Variants in MAST4 observed in about 807,000 individuals in gnomAD.
The protein encoded by MAST4 is microtubule-associated serine/threonine-protein kinase 4.
A neutral mutation model predicts 162.7 loss-of-function variants in MAST4; 89 were observed. That is an observed-to-expected ratio of 0.55 (90% CI 0.46 to 0.65). The LOEUF (loss-of-function observed/expected upper bound fraction) is 0.65. Ranked by LOEUF, MAST4 falls within the 30% of genes least tolerant of loss-of-function variation. The pLI, the probability that MAST4 is intolerant of heterozygous loss-of-function variation, is 0.00. For synonymous variants in MAST4, 1,479 were observed against 1,361.1 expected, an observed-to-expected ratio of 1.09 and a Z score of -1.91; for missense variants, 3,153 against 3,374.0, an observed-to-expected ratio of 0.93 and a Z score of 1.62.
At chr5:66,906,810 T>C (rs1313447802) in intron 4 of MAST4, among the ~76,000 whole-genome samples, 3 of 152,194 alleles carry the variant, frequency 2.0e-5, no homozygotes, top group Admixed American at 2.0e-4. Context: ...ATAATGAACT[T>C]ATTTTACCAC....
chr5:66,965,225 C>CTTTTT (rs1187971815), intron 4 of MAST4, among the ~76,000 whole-genome samples: 14 of 84,872 alleles, frequency 1.6e-4, no homozygotes, highest in African/African-American at 2.3e-4. Flanking sequence ...TTTTTTTTTG[C>CTTTTT]TTTTTTTTTT....
At chr5:67,090,764 A>G (rs1456857590) in intron 6 of MAST4, among the ~76,000 whole-genome samples, 1 of 151,950 alleles carries the variant, frequency 6.6e-6, no homozygotes, top group Non-Finnish European at 1.5e-5. Context: ...TTCAGAGGAT[A>G]GCAGGCACAC....
intron 4 of MAST4, among the ~76,000 whole-genome samples, chr5:66,919,898 C>CTCCT (rs770358340): frequency 1.3e-3 from 141 of 112,202 alleles, no homozygotes; most frequent in Admixed American, 2.8e-3. Flanking sequence ...ATTTTTCTCT[C>CTCCT]TCCTTCCTTC....
At chr5:66,959,385 A>G (rs985771546) in intron 4 of MAST4, 15 of 760,562 alleles carry the variant, frequency 2.0e-5, no homozygotes, top group Middle Eastern at 2.3e-4. Context: ...GTTTGTACTG[A>G]CAGCCTCAGA....
At chr5:67,128,865 T>G (rs1035932465) in intron 14 of MAST4, among the ~76,000 whole-genome samples, 2 of 152,192 alleles carry the variant, frequency 1.3e-5, no homozygotes, top group African/African-American at 4.8e-5. Context: ...GTAAATGATT[T>G]CTTGTTTGAT....
At chr5:66,859,960 A>G (rs1759978045) in intron 3 of MAST4, among the ~76,000 whole-genome samples, 1 of 152,246 alleles carries the variant, frequency 6.6e-6, no homozygotes, top group African/African-American at 2.4e-5. Context: ...TCCCCAAAAC[A>G]TCTCAGCATA....
intron 9 of MAST4, 108 bp downstream of exon 9, chr5:67,102,719 A>G (rs906596032): frequency 3.6e-6 from 3 of 839,414 alleles, no homozygotes; most frequent in African/African-American, 1.7e-5. Flanking sequence ...TCTAGTAATG[A>G]TTTGCATAAA....
chr5:67,127,349 A>C (rs1768371844), intron 14 of MAST4, among the ~76,000 whole-genome samples: 1 of 152,170 alleles, frequency 6.6e-6, no homozygotes, highest in South Asian at 2.1e-4. Context: ...TTGCCCATTC[A>C]GTATGTTATT....
chr5:66,997,238 A>G (rs1750756186), intron 4 of MAST4, among the ~76,000 whole-genome samples: 1 of 152,074 alleles, frequency 6.6e-6, no homozygotes. Context: ...TGCCTACTAC[A>G]TGTATATATA....
intron 4 of MAST4, among the ~76,000 whole-genome samples, chr5:67,040,274 C>CA (rs373320449): frequency 6.6e-6 from 1 of 150,972 alleles, no homozygotes; most frequent in East Asian, 1.9e-4. Flanking sequence ...AACAATAGAA[C>CA]AAAAAAAAAT....
At chr5:67,130,149 T>TC in intron 14 of MAST4, 61 bp from the exon 15 acceptor site, 1 of 1,454,360 alleles carries the variant, frequency 6.9e-7, no homozygotes, top group Non-Finnish European at 9.4e-7. Context: ...GTTTACTGTA[T>TC]CCCCAAAACA....
intron 5 of MAST4, among the ~76,000 whole-genome samples, chr5:67,061,768 A>G (rs1759635491): frequency 6.7e-6 from 1 of 149,536 alleles, no homozygotes. Context: ...TCATACTCTT[A>G]GTCTGTCAGT....
At chr5:66,629,580 C>G (rs1744667284) in intron 1 of MAST4, among the ~76,000 whole-genome samples, 1 of 152,126 alleles carries the variant, frequency 6.6e-6, no homozygotes, top group African/African-American at 2.4e-5. Flanking sequence ...TGTGTTTTAC[C>G]ACATTTATAG....
chr5:66,827,889 C>T (rs1580554007), intron 3 of MAST4, among the ~76,000 whole-genome samples: 1 of 152,248 alleles, frequency 6.6e-6, no homozygotes. Context: ...GTTGTTACTC[C>T]TGTGCCATGC....
chr5:67,070,433 C>G (rs764309062), intron 5 of MAST4, among the ~76,000 whole-genome samples: 6 of 152,170 alleles, frequency 3.9e-5, no homozygotes, highest in Non-Finnish European at 8.8e-5. Context: ...TGCAGTGTGC[C>G]TATCTAACCT....
At chr5:67,056,312 G>A (rs1279868492) in intron 5 of MAST4, among the ~76,000 whole-genome samples, 1 of 152,070 alleles carries the variant, frequency 6.6e-6, no homozygotes, top group East Asian at 1.9e-4. Context: ...ATCCTACAGA[G>A]GGTCAAACAG....
chr5:66,613,368 T>C (rs10058247), intron 1 of MAST4, among the ~76,000 whole-genome samples: 94,085 of 150,572 alleles, frequency 0.62, 29,822 homozygotes, highest in East Asian at 0.71. Flanking sequence ...ATTGTCTTCC[T>C]CTGCTTTGGG....
intron 1 of MAST4, among the ~76,000 whole-genome samples, chr5:66,722,617 A>G (rs1751286830): frequency 6.6e-6 from 1 of 152,194 alleles, no homozygotes; most frequent in South Asian, 2.1e-4. Flanking sequence ...TGCCTGGAAC[A>G]TTGAGGGAAC....
intron 1 of MAST4, among the ~76,000 whole-genome samples, chr5:66,629,526 T>G (rs952408966): frequency 3.4e-4 from 52 of 152,304 alleles, no homozygotes; most frequent in African/African-American, 1.1e-3. Context: ...GGCCCACACA[T>G]ATCTCCATTT....
Sources: allele counts gnomAD v4.1 joint callset (sites outside exome capture counted in the v4.1 genomes callset), GRCh38; gene constraint gnomAD v4.1.1; transcripts MANE v1.5; gene names NCBI Gene and HGNC (gene_info 2026-07-23, HGNC 2026-07-21).